ADGRA3: variants seen among roughly 807,000 people sequenced by gnomAD.
ADGRA3 encodes the protein G-protein coupled receptor 125.
ADGRA3 carries 56 observed loss-of-function variants against 119.8 expected under a neutral mutation model. The ratio of observed to expected loss-of-function variants is 0.47; its 90% CI spans 0.38 to 0.58. The LOEUF is 0.58. Among genes scored for constraint, ADGRA3 ranks in the 20% least tolerant of loss-of-function variants. The pLI is 0.00. For synonymous variants in ADGRA3, 607 were observed against 623.8 expected (o/e 0.97, Z 0.40); for missense variants, 1,516 against 1,649.0 (o/e 0.92, Z 1.40).
At chr4:22,436,373 T>C (rs1358013078) in intron 9 of ADGRA3, 67 bp downstream of exon 9, 2 of 1,172,644 alleles carry the variant, frequency 1.7e-6, no homozygotes, top group Admixed American at 2.3e-5. Context: ...AAAAAAAAAC[T>C]TATGTATTTG....
chr4:22,467,259 C>T (rs915536271), intron 2 of ADGRA3, among the ~76,000 whole-genome samples: 4 of 152,150 alleles, frequency 2.6e-5, no homozygotes, highest in Non-Finnish European at 5.9e-5. Flanking sequence ...TAAAATTCTT[C>T]ATAATCAAAT....
intron 1 of ADGRA3, among the ~76,000 whole-genome samples, chr4:22,509,526 A>C (rs1719365499): frequency 6.6e-6 from 1 of 151,124 alleles, no homozygotes. Context: ...AGAAAAGAAA[A>C]AAAAAAAGCA....
intron 7 of ADGRA3, 146 bp downstream of exon 7, chr4:22,442,504 C>A: frequency 1.9e-6 from 1 of 515,934 alleles, no homozygotes; most frequent in Non-Finnish European, 3.4e-6. Flanking sequence ...TGAATAAGAA[C>A]CAGGAAAAGG....
At chr4:22,457,950 T>A (rs1412740409) in intron 3 of ADGRA3, among the ~76,000 whole-genome samples, 2 of 152,206 alleles carry the variant, frequency 1.3e-5, no homozygotes, top group Non-Finnish European at 2.9e-5. Flanking sequence ...AGCATTAATA[T>A]TTTTATTACC....
In ADGRA3 at chr4:22,515,675, G is replaced by C. The variant is rs777241546; in HGVS notation, c.110C>G (p.Ala37Gly). 9.5e-6 allele frequency: 11 copies of C among 1,154,760 alleles called. No individual in the cohort carries two copies. In the Admixed American group the frequency reaches 2.0e-4, roughly 20 times the overall value. The allele number at this position is 1,154,760 out of a possible 1,614,324, so 71.5% of individuals were successfully genotyped here. ...GTGCTTGCAGCCGGCGGGCAGCGCC[G>C]CGGCGCCGCCGCCGCCGCCGCCTCC... ...LLGGGGGGGA[A>G]ALPAGCKHDG... Residue 37 changes from alanine (A) to glycine (G), a missense_variant, in exon 1 of 19, where the codon GCG becomes GGG. Physicochemically the swap from Ala to Gly is moderately conservative, Grantham distance 60. This residue lies in a region of ADGRA3 where 428 missense variants were observed against 541.9 expected (regional missense o/e 0.79). Transcript: ENST00000334304.
intron 1 of ADGRA3, among the ~76,000 whole-genome samples, chr4:22,488,460 G>A (rs903260209): frequency 2.6e-5 from 4 of 152,286 alleles, no homozygotes; most frequent in South Asian, 2.1e-4. Flanking sequence ...AGCTCAGTTG[G>A]TGCCTACAGC....
intron 4 of ADGRA3, 96 bp downstream of exon 4, chr4:22,454,770 T>G: frequency 1.1e-6 from 1 of 884,514 alleles, no homozygotes; most frequent in Non-Finnish European, 1.9e-6. Context: ...ACCCCTACAG[T>G]TGCTACTTAT....
rs117764237 is a variant in ADGRA3, at chr4:22,433,761, C to G, written c.1443+1550G>C. ...CCCACTCCCGGAAATGACTGCTAAT[C>G]CTGTGGGCACCAACCCTGTCATCTT... On this transcript the variant is annotated intron_variant, in intron 10 of 18. Coordinates refer to ENST00000334304, the MANE Select transcript of ADGRA3 (RefSeq NM_145290.4). Among the ~76,000 whole-genome samples the G allele has an allele frequency of 8.4e-3, 1,284 of 152,296 alleles. 37 individuals carry two copies. The highest frequency in any genetic ancestry group is 0.048 in the Admixed American group (733 of 15,288).
intron 1 of ADGRA3, among the ~76,000 whole-genome samples, chr4:22,513,591 A>T (rs1719528793): frequency 6.6e-6 from 1 of 150,794 alleles, no homozygotes; most frequent in African/African-American, 2.4e-5. Flanking sequence ...GGCTCACTGC[A>T]ATCTCCACCT....
Position 22,402,692 on chromosome 4 carries a change from A to G in ADGRA3, c.2340T>C (p.Ser780=), listed in dbSNP as rs1560298343. 3 of 1,613,762 alleles carry G rather than the reference A, an allele frequency of 1.9e-6. No homozygotes were observed. In the South Asian group the frequency reaches 3.3e-5, roughly 18 times the overall value. ...LLLCLLAVIV[S]YIYHHSLIRI... ...TTTCTTACCTGTGATGGTATATGTA[A>G]CTGACAATGACGGCTAAGAGACATA... The change falls in exon 15 of 19, where the codon AGT becomes AGC. Residue 780 remains serine, a synonymous_variant. Transcript: ENST00000334304.
intron 1 of ADGRA3, among the ~76,000 whole-genome samples, chr4:22,487,528 T>C (rs1305004511): frequency 1.3e-5 from 2 of 152,168 alleles, no homozygotes; most frequent in African/African-American, 4.8e-5. Context: ...TAACAGGCCA[T>C]GGACTAGTAC....
intron 12 of ADGRA3, chr4:22,414,271 C>T: frequency 4.3e-6 from 1 of 232,662 alleles, no homozygotes; most frequent in African/African-American, 2.3e-5. Flanking sequence ...CAAACCTCCA[C>T]ACAACAAAAG....
intron 1 of ADGRA3, among the ~76,000 whole-genome samples, chr4:22,475,745 A>T (rs928772689): frequency 6.7e-6 from 1 of 149,526 alleles, no homozygotes; most frequent in East Asian, 2.2e-4. Flanking sequence ...AAATAAATAA[A>T]TAAAAAAAAA....
intron 5 of ADGRA3, among the ~76,000 whole-genome samples, chr4:22,447,218 T>C (rs1716862318): frequency 6.6e-6 from 1 of 152,090 alleles, no homozygotes; most frequent in Admixed American, 6.6e-5. Flanking sequence ...TAAATATAGA[T>C]TAGAGTAATA....
chr4:22,438,531 G>T, intron 7 of ADGRA3, 111 bp from the exon 8 acceptor site: 1 of 761,524 alleles, frequency 1.3e-6, no homozygotes. Flanking sequence ...ATATTGTGGG[G>T]TAAGCACTTG....
At chr4:22,459,366 G>A (rs1717360465) in intron 3 of ADGRA3, among the ~76,000 whole-genome samples, 1 of 151,648 alleles carries the variant, frequency 6.6e-6, no homozygotes, top group African/African-American at 2.4e-5. Flanking sequence ...CAACTAATGA[G>A]TACTAGGCTT....
At chr4:22,496,058 T>C (rs1332739423) in intron 1 of ADGRA3, among the ~76,000 whole-genome samples, 1 of 152,232 alleles carries the variant, frequency 6.6e-6, no homozygotes, top group Non-Finnish European at 1.5e-5. Flanking sequence ...TATTATATAT[T>C]CCATTAATGT....
chr4:22,388,247 GACTATTA>G lies in ADGRA3; in HGVS notation c.3417_3423del (p.Asn1140Ter). On this transcript the variant is annotated frameshift_variant, in exon 19 of 19. Coordinates refer to ENST00000334304, the MANE Select transcript of ADGRA3 (RefSeq NM_145290.4). LOFTEE classifies it low-confidence loss of function (END_TRUNC). ...TCATTGTCCATTGAATGTTCTGTCA[GACTATTA>G]TCAAGCTGAGGGGTGGAGTTCAAAG... 1 of 1,614,038 alleles carries G rather than the reference GACTATTA, an allele frequency of 6.2e-7. No individual in the cohort carries two copies. Among genetic ancestry groups the G allele is most frequent in the Non-Finnish European group, 8.5e-7 (1 of 1,179,936 alleles).
chr4:22,388,662 C>A lies in ADGRA3; in HGVS notation c.3009G>T (p.Leu1003Phe). Residue 1003 changes from leucine to phenylalanine, a missense_variant, in exon 19 of 19, where the codon TTG (leucine) becomes TTT (phenylalanine). Physicochemically the swap from Leu to Phe is conservative, Grantham distance 22 (BLOSUM62 0). Transcript: ENST00000334304. The part of the protein sequence containing the change: ...HSQLLGASLT[L>F]LLYVALWMFG... Reference sequence around the variant, plus strand: ...ACATCCACAGTGCAACATATAAGAGCAAAGTAAGGCTGGCCCCCAAGAGCT... The same window carrying A: ...ACATCCACAGTGCAACATATAAGAGAAAAGTAAGGCTGGCCCCCAAGAGCT... 3.7e-6 allele frequency: 6 copies of A among 1,614,000 alleles called. No homozygotes were observed. The highest frequency in any genetic ancestry group is 5.1e-6 in the Non-Finnish European group (6 of 1,179,982).
Sources: allele counts gnomAD v4.1 joint callset (sites outside exome capture counted in the v4.1 genomes callset), GRCh38; gene constraint gnomAD v4.1.1; regional missense constraint gnomAD v4.1.1; transcripts MANE v1.5; gene names NCBI Gene and HGNC (gene_info 2026-07-23, HGNC 2026-07-21).